The following DOCK8 variants were observed in gnomAD, a reference collection of about 807,000 sequenced individuals.
The protein encoded by DOCK8 is dedicator of cytokinesis protein 8.
A neutral mutation model predicts 245.6 loss-of-function variants in DOCK8; 141 were observed. The ratio of observed to expected loss-of-function variants is 0.57; its 90% CI spans 0.50 to 0.66. DOCK8 has a LOEUF of 0.66. Ranked by LOEUF, DOCK8 falls within the 30% of genes least tolerant of loss-of-function variation. The pLI is 0.00. For synonymous variants in DOCK8, 1,168 were observed against 970.2 expected (o/e 1.20, Z -3.79); for missense variants, 2,965 against 2,603.4 (o/e 1.14, Z -3.02).
chr9:262,031 G>GAAAGAAAGAAAGAA (rs149265145), intron 1 of DOCK8, among the ~76,000 whole-genome samples: 4,290 of 146,310 alleles, frequency 0.029, 68 homozygotes, highest in South Asian at 0.047. Flanking sequence ...AAGAAAGAAA[G>GAAAGAAAGAAAGAA]AAAGACACCG....
chr9:404,967 A>G lies in DOCK8; in HGVS notation c.3284A>G (p.Glu1095Gly), dbSNP rs1395172561. ...NLPTLISMRL[E>G]FLRILCSHEH... ...CCAACGCTCATTTCCATGAGGCTAG[A>G]GTTCCTGAGAATCCTCTGTAGCCAT... Residue 1095 changes from glutamate (E) to glycine (G), a missense_variant, in exon 27 of 48, where the codon GAG becomes GGG. Physicochemically the swap from Glu to Gly is moderately conservative, Grantham distance 98. This residue lies in a region of DOCK8 where 2,825 missense variants were observed against 2,453.5 expected (regional missense o/e 1.15). Transcript: ENST00000432829. 2 of 1,613,964 alleles carry G rather than the reference A, an allele frequency of 1.2e-6. No homozygotes were observed. Among genetic ancestry groups the G allele is most frequent in the Non-Finnish European group, 1.7e-6 (2 of 1,180,030 alleles).
Position 328,067 on chromosome 9 carries a change from G to T in DOCK8, c.940G>T (p.Gly314Ter). 6.2e-7 allele frequency: 1 copy of T among 1,614,174 alleles called. No homozygotes were observed. Among genetic ancestry groups the T allele is most frequent in the Non-Finnish European group, 8.5e-7 (1 of 1,180,012 alleles). Reference protein sequence around the residue: ...HCDLNSDQFKGFLRAHTPSVA... With the variant: ...HCDLNSDQFK ...TGACCTGAACTCTGACCAGTTCAAA[G>T]GATTTCTGCGAGCTCACACGCCTTC... Residue 314 changes from glycine to a stop codon, truncating the protein, a stop_gained, in exon 9 of 48, where the codon GGA becomes TGA. Coordinates refer to ENST00000432829, the MANE Select transcript of DOCK8 (RefSeq NM_203447.4). LOFTEE classifies it high-confidence loss of function.
chr9:279,122 A>G lies in DOCK8; in HGVS notation c.157-7339A>G, dbSNP rs187733262. Among the ~76,000 whole-genome samples the G allele has an allele frequency of 2.6e-5, 4 of 152,278 alleles. No individual in the cohort carries two copies. In the East Asian group the frequency reaches 7.7e-4, roughly 29 times the overall value. On this transcript the variant is annotated intron_variant, in intron 2 of 47. Coordinates refer to ENST00000432829, the MANE Select transcript of DOCK8 (RefSeq NM_203447.4). Reference sequence around the variant, plus strand: ...TGGGTGATATGTAGAGTGTAGGAGAAAGAGAAGAAGCAAGATTGACTTTAA... The same window carrying G: ...TGGGTGATATGTAGAGTGTAGGAGAGAGAGAAGAAGCAAGATTGACTTTAA...
chr9:464,358 TC>T lies in DOCK8; in HGVS notation c.*142del, dbSNP rs1185188925. ...AGCCAGCACTCTGGAAGCTTTGGGA[TC>T]CCAGGAACCATGGAATTATTCCCAA... On this transcript the variant is annotated 3_prime_UTR_variant, in exon 48 of 48. Coordinates refer to ENST00000432829, the MANE Select transcript of DOCK8 (RefSeq NM_203447.4). The T allele has an allele frequency of 6.2e-6, 5 of 804,430 alleles. No individual in the cohort carries two copies. The East Asian group carries it at 1.2e-4, about 20-fold the overall frequency. 49.8% of individuals were successfully genotyped at this position (804,430 alleles called of 1,614,324 possible).
chr9:214,871 C>A lies in DOCK8; in HGVS notation c.-106C>A, dbSNP rs747628324. The A allele has an allele frequency of 1.9e-6, 3 of 1,601,688 alleles. No homozygotes were observed. The highest frequency in any genetic ancestry group is 1.1e-5 in the South Asian group (1 of 89,642). On this transcript the variant is annotated 5_prime_UTR_variant, in exon 1 of 48. Coordinates refer to ENST00000432829, the MANE Select transcript of DOCK8 (RefSeq NM_203447.4). ...GAAGTTTCCAGCGCCGACCGACAGACGAGGTTTGCGCTTGGCTGGGCATGT... is the reference window on the plus strand; with the variant it reads ...GAAGTTTCCAGCGCCGACCGACAGAAGAGGTTTGCGCTTGGCTGGGCATGT...
At chr9:316,223 C>G (rs942166949) in intron 6 of DOCK8, among the ~76,000 whole-genome samples, 2 of 152,188 alleles carry the variant, frequency 1.3e-5, no homozygotes, top group African/African-American at 2.4e-5. Flanking sequence ...TCTTTGGACC[C>G]TTGCGATGGG....
chr9:252,033 G>C (rs187496958), intron 1 of DOCK8, among the ~76,000 whole-genome samples: 8 of 149,934 alleles, frequency 5.3e-5, no homozygotes, highest in African/African-American at 2.0e-4. Context: ...GAGTGCAGTG[G>C]TGAGATCTCG....
chr9:237,202 C>T (rs562804091), intron 1 of DOCK8, among the ~76,000 whole-genome samples: 4 of 152,192 alleles, frequency 2.6e-5, no homozygotes, highest in African/African-American at 9.7e-5. Context: ...TTGTTTTAGT[C>T]ACAAGGATTT....
intron 4 of DOCK8, among the ~76,000 whole-genome samples, chr9:293,070 C>G (rs2049111154): frequency 6.6e-6 from 1 of 152,166 alleles, no homozygotes; most frequent in Non-Finnish European, 1.5e-5. Context: ...TTACCATTGG[C>G]CCAGTTCTCT....
At chr9:314,108 A>G (rs2050243622) in intron 6 of DOCK8, among the ~76,000 whole-genome samples, 1 of 152,252 alleles carries the variant, frequency 6.6e-6, no homozygotes, top group Non-Finnish European at 1.5e-5. Flanking sequence ...TCCCTTGTTT[A>G]TGTATCTACA....
At chr9:216,537 C>CAAAAAAAAAAAAAAAAAAAA (rs59529982) in intron 1 of DOCK8, among the ~76,000 whole-genome samples, 197 of 88,852 alleles carry the variant, frequency 2.2e-3, no homozygotes, top group African/African-American at 3.0e-3. Context: ...AAAAAACAGA[C>CAAAAAAAAAAAAAAAAAAAA]AAAAAAAAAA....
rs146891937 is a variant in DOCK8, at chr9:399,218, C to G, written c.3193C>G (p.Arg1065Gly). Reference protein sequence around the residue: ...FLYDLLSLMDRGFVFNLIRHY... With the variant: ...FLYDLLSLMDGGFVFNLIRHY... Reference sequence around the variant, plus strand: ...GTATGACCTTCTCTCCCTCATGGATCGGGGCTTTGTGTTTAACCTCATCAG... The same window carrying G: ...GTATGACCTTCTCTCCCTCATGGATGGGGGCTTTGTGTTTAACCTCATCAG... The change falls in exon 26 of 48, where the codon CGG becomes GGG. Residue 1065 changes from arginine to glycine, a missense_variant. Transcript: ENST00000432829. 10 of 1,613,918 alleles carry G rather than the reference C, an allele frequency of 6.2e-6. No individual in the cohort carries two copies. Among genetic ancestry groups the G allele is most frequent in the Non-Finnish European group, 8.5e-6 (10 of 1,179,970 alleles).
intron 2 of DOCK8, among the ~76,000 whole-genome samples, chr9:283,308 T>C (rs2048669187): frequency 6.6e-6 from 1 of 152,212 alleles, no homozygotes; most frequent in Non-Finnish European, 1.5e-5. Context: ...CTGAAACTTT[T>C]TTTGTGCCTC....
At chr9:399,774 C>G (rs918643151) in intron 26 of DOCK8, among the ~76,000 whole-genome samples, 2 of 151,974 alleles carry the variant, frequency 1.3e-5, no homozygotes, top group African/African-American at 4.8e-5. Context: ...TCAGTGCCAT[C>G]CCCCCAGATT....
intron 4 of DOCK8, among the ~76,000 whole-genome samples, chr9:295,929 T>G (rs1359234339): frequency 6.6e-6 from 1 of 152,236 alleles, no homozygotes; most frequent in Non-Finnish European, 1.5e-5. Flanking sequence ...AGGAAATTTT[T>G]AGATTTCCTT....
At position 409,243 on chromosome 9, in the gene DOCK8, C is replaced by A. The variant is rs186142261; in HGVS notation, c.3530+2174C>A. Among the ~76,000 whole-genome samples the A allele has an allele frequency of 5.5e-3, 843 of 152,264 alleles. 4 individuals carry two copies. Among genetic ancestry groups the A allele is most frequent in the South Asian group, 0.017 (84 of 4,822 alleles). ...CAGCTCCAGTTTCCACTGGGTTTCC[C>A]TTGGATCTCTGACACCTGGGTATAT... On this transcript the variant is annotated intron_variant, in intron 28 of 47. Coordinates refer to ENST00000432829, the MANE Select transcript of DOCK8 (RefSeq NM_203447.4).
intron 1 of DOCK8, among the ~76,000 whole-genome samples, chr9:234,252 C>T (rs2047194170): frequency 6.6e-6 from 1 of 152,204 alleles, no homozygotes; most frequent in African/African-American, 2.4e-5. Flanking sequence ...TGTAGAGTTT[C>T]TGCCAAGAGA....
At chr9:414,654 TC>T in intron 28 of DOCK8, 127 bp from the exon 29 acceptor site, 2 of 1,114,490 alleles carry the variant, frequency 1.8e-6, no homozygotes, top group Non-Finnish European at 2.7e-6. Context: ...TGTAGTTCTA[TC>T]CTATATTGCT....
upstream of DOCK8, chr9:212,728 T>C (rs1368138949): frequency 6.6e-6 from 1 of 152,188 alleles, no homozygotes; most frequent in Non-Finnish European, 1.5e-5. Context: ...AAATACTAAA[T>C]CTATTGCAGT....
Sources: gnomAD v4.1 joint callset for allele counts (sites outside exome capture counted in the v4.1 genomes callset) on GRCh38, gnomAD v4.1.1 for gene constraint, gnomAD v4.1.1 regional missense constraint, MANE v1.5 for transcripts, NCBI Gene and HGNC (gene_info 2026-07-23, HGNC 2026-07-21) for gene names.